Variants in XPO4 observed in about 807,000 individuals in gnomAD.
XPO4 encodes exportin 4, also known as exportin-4.
A neutral mutation model predicts 143.0 loss-of-function variants in XPO4; 39 were observed. That is an observed-to-expected ratio of 0.27 (90% CI 0.21 to 0.36). XPO4 has a LOEUF of 0.36. XPO4 is among the 10% of genes least tolerant of loss of function. The probability of loss-of-function intolerance (pLI) is 1.00; values close to 1 mark genes in which losing one functional copy is unlikely to be tolerated. For missense variants in XPO4, 907 were observed against 1,348.0 expected (o/e 0.67, Z 5.12); for synonymous variants, 439 against 474.0 (o/e 0.93, Z 0.96).
intron 14 of XPO4, 74 bp from the exon 15 acceptor site, chr13:20,800,399 G>A (rs549976229): frequency 4.3e-5 from 62 of 1,435,248 alleles, no homozygotes; most frequent in Non-Finnish European, 5.2e-5. Context: ...GAGAAAAATC[G>A]AACTGAAATT....
intron 20 of XPO4, 56 bp from the exon 21 acceptor site, chr13:20,787,654 TA>T: frequency 6.8e-7 from 1 of 1,467,384 alleles, no homozygotes; most frequent in Non-Finnish European, 9.5e-7. Context: ...TTATAAAAGA[TA>T]AAAAAATTAT....
At chr13:20,894,048 G>C (rs1408119696) in intron 1 of XPO4, among the ~76,000 whole-genome samples, 1 of 152,080 alleles carries the variant, frequency 6.6e-6, no homozygotes, top group African/African-American at 2.4e-5. Flanking sequence ...CTCCATGTTG[G>C]TCAGGCTGGT....
intron 1 of XPO4, among the ~76,000 whole-genome samples, chr13:20,895,215 T>G (rs750596571): frequency 7.2e-5 from 11 of 151,998 alleles, no homozygotes; most frequent in Admixed American, 1.3e-4. Flanking sequence ...ACATTCAAAT[T>G]TACTAAAACG....
chr13:20,884,497 C>A (rs1489954268), intron 1 of XPO4, among the ~76,000 whole-genome samples: 3 of 152,154 alleles, frequency 2.0e-5, no homozygotes, highest in African/African-American at 7.2e-5. Context: ...GCAGCATCAA[C>A]CTCCCAGGCT....
At chr13:20,878,688 G>C (rs764934406) in intron 1 of XPO4, among the ~76,000 whole-genome samples, 3 of 152,202 alleles carry the variant, frequency 2.0e-5, no homozygotes, top group African/African-American at 2.4e-5. Context: ...GTGAAGCCAT[G>C]ATGGCCTCTG....
chr13:20,881,413 C>T (rs1374045240), intron 1 of XPO4, among the ~76,000 whole-genome samples: 1 of 152,078 alleles, frequency 6.6e-6, no homozygotes, highest in Non-Finnish European at 1.5e-5. Context: ...GGACTACAGG[C>T]ACCCGCCACC....
intron 1 of XPO4, among the ~76,000 whole-genome samples, chr13:20,884,986 G>A (rs1379181394): frequency 6.6e-6 from 1 of 152,000 alleles, no homozygotes; most frequent in African/African-American, 2.4e-5. Context: ...TTTTTGAGAC[G>A]GAGTTTCCCT....
At chr13:20,874,126 C>T (rs747582080) in intron 1 of XPO4, among the ~76,000 whole-genome samples, 36 of 152,172 alleles carry the variant, frequency 2.4e-4, no homozygotes, top group Non-Finnish European at 4.1e-4. Flanking sequence ...TGGCGACACA[C>T]AGTTGGGTAG....
intron 20 of XPO4, among the ~76,000 whole-genome samples, chr13:20,788,277 G>A (rs1043118707): frequency 2.0e-5 from 3 of 151,966 alleles, no homozygotes; most frequent in Non-Finnish European, 2.9e-5. Context: ...GGCTGGTCTC[G>A]AACTCCTGAC....
At chr13:20,845,605 C>A (rs995099918) in intron 4 of XPO4, among the ~76,000 whole-genome samples, 6 of 152,072 alleles carry the variant, frequency 3.9e-5, no homozygotes, top group African/African-American at 7.2e-5. Context: ...CTGTTTAAAG[C>A]GATCTCAAAA....
At chr13:20,870,421 G>C (rs1319164472) in intron 1 of XPO4, among the ~76,000 whole-genome samples, 1 of 148,434 alleles carries the variant, frequency 6.7e-6, no homozygotes, top group Non-Finnish European at 1.5e-5. Context: ...AACAAAGCCA[G>C]ACTCCATCTC....
rs756916856 is a variant in XPO4 at position 20,786,994 on chromosome 13, C to T, written c.3229G>A (p.Ala1077Thr). ...NTEMTTAAGE[A>T]FYTLVCLHQA... ...TGCAAACACACCAACGTGTAGAAAG[C>T]TTCGCCAGCCGCAGTGGTCATCTCT... The change falls in exon 22 of 23, where the codon GCT (alanine) becomes ACT (threonine). Residue 1077 changes from alanine to threonine, a missense_variant. Transcript: ENST00000255305. 4 of 1,559,994 alleles carry T rather than the reference C, an allele frequency of 2.6e-6. No individual in the cohort carries two copies. In the South Asian group the frequency reaches 4.7e-5, roughly 18 times the overall value.
At chr13:20,828,922 A>G (rs1324339274) in intron 6 of XPO4, among the ~76,000 whole-genome samples, 1 of 152,252 alleles carries the variant, frequency 6.6e-6, no homozygotes, top group Non-Finnish European at 1.5e-5. Flanking sequence ...TCTGACACCT[A>G]GGATTTGCTT....
chr13:20,800,266 A>C lies in XPO4; in HGVS notation c.2037T>G (p.Ile679Met). The C allele has an allele frequency of 6.2e-7, 1 of 1,614,170 alleles. No individual in the cohort carries two copies. Among genetic ancestry groups the C allele is most frequent in the Non-Finnish European group, 8.5e-7 (1 of 1,180,010 alleles). ...GADTEGSQWI[I>M]GYLLQKVISN... Reference sequence around the variant, plus strand: ...TGATGACTTTTTGTAAGAGGTAGCCAATTATCCACTGAGAACCCTCTGTAT... The same window carrying C: ...TGATGACTTTTTGTAAGAGGTAGCCCATTATCCACTGAGAACCCTCTGTAT... Residue 679 changes from isoleucine (I) to methionine (M), a missense_variant, in exon 15 of 23, where the codon ATT becomes ATG. Coordinates refer to ENST00000255305, the MANE Select transcript of XPO4 (RefSeq NM_022459.5).
At chr13:20,870,409 A>G (rs541151158) in intron 1 of XPO4, among the ~76,000 whole-genome samples, 54 of 151,602 alleles carry the variant, frequency 3.6e-4, no homozygotes, top group African/African-American at 1.3e-3. Flanking sequence ...ACCAGCCTGG[A>G]CAACAAAGCC....
intron 3 of XPO4, among the ~76,000 whole-genome samples, chr13:20,860,181 T>C (rs935680218): frequency 1.3e-5 from 2 of 152,176 alleles, no homozygotes; most frequent in African/African-American, 4.8e-5. Flanking sequence ...AAACAGAATA[T>C]TAAAGAGACT....
At chr13:20,800,453 C>T (rs947356576) in intron 14 of XPO4, 128 bp from the exon 15 acceptor site, 1 of 835,612 alleles carries the variant, frequency 1.2e-6, no homozygotes, top group Non-Finnish European at 1.8e-6. Flanking sequence ...CAACTTTACA[C>T]ATGTACTCAT....
intron 3 of XPO4, chr13:20,859,855 G>C (rs895727964): frequency 2.0e-6 from 2 of 979,112 alleles, no homozygotes; most frequent in African/African-American, 3.5e-5. Flanking sequence ...ATAAGAGCCA[G>C]ACACATATAC....
At chr13:20,836,374 A>G (rs1475673707) in intron 6 of XPO4, among the ~76,000 whole-genome samples, 1 of 152,220 alleles carries the variant, frequency 6.6e-6, no homozygotes, top group Non-Finnish European at 1.5e-5. Flanking sequence ...AACATCATCT[A>G]TCTTTGCTTT....
Sources: allele counts gnomAD v4.1 joint callset (sites outside exome capture counted in the v4.1 genomes callset), GRCh38; gene constraint gnomAD v4.1.1; transcripts MANE v1.5; gene names NCBI Gene and HGNC (gene_info 2026-07-23, HGNC 2026-07-21).